The following RTTN variants were observed in gnomAD, a reference collection of about 807,000 sequenced individuals.
The protein encoded by RTTN is rotatin.
In RTTN, 182 loss-of-function variants were observed where a neutral mutation model predicts 269.2. The ratio of observed to expected loss-of-function variants is 0.68; its 90% confidence interval spans 0.60 to 0.76. RTTN has a LOEUF of 0.76. Among genes scored for constraint, RTTN ranks in the 30% least tolerant of loss-of-function variants. The probability of loss-of-function intolerance (pLI) is 0.00; values close to 1 mark genes in which losing one functional copy is unlikely to be tolerated. For synonymous variants in RTTN, 1,006 were observed against 963.5 expected, an observed-to-expected ratio of 1.04 and a Z score of -0.82; for missense variants, 2,545 against 2,608.6, an observed-to-expected ratio of 0.98 and a Z score of 0.53.
chr18:70,024,761 G>C lies in RTTN; in HGVS notation c.5911C>G (p.Leu1971Val). The stretch of plus-strand genomic sequence containing the variant: ...GCAGTATAGACACAAAGGAGCTGCA[G>C]AGAAATTTGCATCAATGAATCATCC... ...LMDDSLMQIS[L>V]QLLCVYTANF... The change falls in exon 44 of 49, where the codon CTG becomes GTG. Residue 1971 changes from leucine (L) to valine (V), a missense_variant. Physicochemically the swap from Leu to Val is conservative, Grantham distance 32. Transcript: ENST00000640769. The C allele has an allele frequency of 6.2e-7, 1 of 1,613,978 alleles. No homozygotes were observed. Among genetic ancestry groups the C allele is most frequent in the East Asian group, 2.2e-5 (1 of 44,878 alleles).
chr18:70,059,528 A>G (rs1215799679), intron 36 of RTTN, among the ~76,000 whole-genome samples: 1 of 152,204 alleles, frequency 6.6e-6, no homozygotes, highest in Non-Finnish European at 1.5e-5. Context: ...AGTCCCTCAC[A>G]TCCATTAAGA....
At chr18:70,008,287 G>A (rs746572565) in intron 46 of RTTN, 2 of 152,044 alleles carry the variant, frequency 1.3e-5, no homozygotes, top group Non-Finnish European at 1.5e-5. Context: ...ATAAATCCAC[G>A]AAAATGAGGA....
At chr18:70,133,579 G>C (rs1049850754) in intron 23 of RTTN, among the ~76,000 whole-genome samples, 1 of 150,236 alleles carries the variant, frequency 6.7e-6, no homozygotes, top group Non-Finnish European at 1.5e-5. Context: ...ATTGCTTCAT[G>C]CAGCAACATG....
intron 3 of RTTN, among the ~76,000 whole-genome samples, chr18:70,203,666 T>G (rs1319207619): frequency 6.6e-6 from 1 of 152,216 alleles, no homozygotes; most frequent in Admixed American, 6.5e-5. Flanking sequence ...TAAAAATACT[T>G]GCATTATGTC....
At chr18:70,027,470 T>C (rs772416550) in intron 43 of RTTN, among the ~76,000 whole-genome samples, 1 of 152,224 alleles carries the variant, frequency 6.6e-6, no homozygotes, top group African/African-American at 2.4e-5. Flanking sequence ...CTTTTGTAAA[T>C]GGCTAATGTG....
chr18:70,099,073 T>G (rs7506435), intron 28 of RTTN, among the ~76,000 whole-genome samples: 3 of 152,038 alleles, frequency 2.0e-5, no homozygotes, highest in African/African-American at 7.3e-5. Context: ...TCCATGAATA[T>G]AGCAGCATGA....
intron 30 of RTTN, among the ~76,000 whole-genome samples, chr18:70,090,604 T>C (rs556700528): frequency 2.6e-4 from 39 of 152,308 alleles, no homozygotes; most frequent in African/African-American, 8.9e-4. Flanking sequence ...GGAGGACTAC[T>C]GTATTCTTCA....
At chr18:70,145,102 C>T (rs1288099456) in intron 18 of RTTN, among the ~76,000 whole-genome samples, 3 of 152,174 alleles carry the variant, frequency 2.0e-5, no homozygotes, top group Non-Finnish European at 4.4e-5. Flanking sequence ...CATAGGAGTG[C>T]AAACCGTATT....
At position 70,005,375 on chromosome 18, in the gene RTTN, TATA is replaced by T. The variant is rs541209306; in HGVS notation, c.6526-111_6526-109del. 2.3e-3 allele frequency: 1,438 copies of T among 635,628 alleles called. 39 individuals are homozygous for T. The East Asian group carries it at 0.042, about 19-fold the overall frequency. 39.4% of individuals were successfully genotyped at this position (635,628 alleles called of 1,614,324 possible). On this transcript the variant is annotated intron_variant, in intron 47 of 48. Transcript: ENST00000640769. ...CAGTATTAAACAGAATATTATGAAA[TATA>T]ATAATATAACTAGAGAGTTCCATCT...
chr18:70,095,704 G>A (rs914508948), intron 28 of RTTN, among the ~76,000 whole-genome samples: 3 of 152,020 alleles, frequency 2.0e-5, no homozygotes, highest in Non-Finnish European at 2.9e-5. Context: ...TGGGTAACCC[G>A]ACCTCTCTGG....
chr18:70,105,506 G>A (rs184036102), intron 28 of RTTN, among the ~76,000 whole-genome samples: 89 of 152,280 alleles, frequency 5.8e-4, no homozygotes, highest in East Asian at 2.3e-3. Context: ...CCCACTGTCC[G>A]ACAAGCCCCA....
chr18:70,197,761 T>G, intron 5 of RTTN, 23 bp from the exon 6 acceptor site: 1 of 1,428,532 alleles, frequency 7.0e-7, no homozygotes, highest in Non-Finnish European at 9.9e-7. Flanking sequence ...GCGTTAATCA[T>G]TTTTAAGAAG....
At position 70,121,688 on chromosome 18, in the gene RTTN, C is replaced by T. The variant is rs1044156994; in HGVS notation, c.3396G>A (p.Val1132=). The T allele has an allele frequency of 1.9e-6, 3 of 1,552,466 alleles. No homozygotes were observed. The highest frequency in any genetic ancestry group is 2.6e-6 in the Non-Finnish European group (3 of 1,155,774). Residue 1132 remains valine (V), a synonymous_variant, in exon 26 of 49, where the codon GTG becomes GTA. Coordinates refer to ENST00000640769, the MANE Select transcript of RTTN (RefSeq NM_173630.4). ...TCTCATCTTCAGTGCAAGCAGGAAGCACCTGTAAAAACCTATAATGAAAAG... is the reference window on the plus strand; with the variant it reads ...TCTCATCTTCAGTGCAAGCAGGAAGTACCTGTAAAAACCTATAATGAAAAG... ...WHTALNRFLQ[V]LPACTEDEKL... is the part of the protein sequence containing the mutation.
At chr18:70,006,667 T>C (rs750989992) in intron 46 of RTTN, 183 bp from the exon 47 acceptor site, 45 of 571,482 alleles carry the variant, frequency 7.9e-5, no homozygotes, top group Admixed American at 1.8e-4. Flanking sequence ...CCTCAAAACA[T>C]TGTTTTCATG....
intron 10 of RTTN, among the ~76,000 whole-genome samples, chr18:70,181,146 C>T (rs368648929): frequency 2.6e-5 from 4 of 152,166 alleles, no homozygotes; most frequent in African/African-American, 9.7e-5. Context: ...GTCCTACCAA[C>T]ATTCTACAAT....
At chr18:70,204,615 C>A (rs1044146448) in intron 2 of RTTN, among the ~76,000 whole-genome samples, 24 of 152,156 alleles carry the variant, frequency 1.6e-4, no homozygotes, top group African/African-American at 5.1e-4. Flanking sequence ...GTTTAAGATT[C>A]CTCTACCATT....
intron 14 of RTTN, among the ~76,000 whole-genome samples, chr18:70,154,443 C>T (rs189970653): frequency 1.3e-5 from 2 of 152,190 alleles, no homozygotes; most frequent in East Asian, 3.9e-4. Flanking sequence ...AAATCGTATT[C>T]CACCATTTTA....
intron 10 of RTTN, among the ~76,000 whole-genome samples, chr18:70,184,715 T>TTTTTTTTGTGTGTG (rs2061499796): frequency 1.3e-5 from 1 of 76,062 alleles, no homozygotes; most frequent in Non-Finnish European, 2.6e-5. Context: ...TTTTTTTTTT[T>TTTTTTTTGTGTGTG]TTGTGTGTGT....
intron 28 of RTTN, among the ~76,000 whole-genome samples, chr18:70,097,801 A>G (rs762528337): frequency 6.6e-6 from 1 of 152,206 alleles, no homozygotes; most frequent in Non-Finnish European, 1.5e-5. Flanking sequence ...TTGTTCTCCA[A>G]TACATTAACA....
Sources: allele counts gnomAD v4.1 joint callset (sites outside exome capture counted in the v4.1 genomes callset), GRCh38; gene constraint gnomAD v4.1.1; transcripts MANE v1.5; gene names NCBI Gene and HGNC (gene_info 2026-07-23, HGNC 2026-07-21).